L3MBTL4: variants seen among roughly 807,000 people sequenced by gnomAD.
L3MBTL4 encodes L3MBTL histone methyl-lysine binding protein 4.
L3MBTL4 carries 70 observed loss-of-function variants against 84.5 expected under a neutral mutation model. The observed-to-expected ratio is 0.83, with a 90% CI of 0.68 to 1.01. The LOEUF is 1.01. Ranked by LOEUF, L3MBTL4 falls within the 50% of genes least tolerant of loss-of-function variation. The probability of loss-of-function intolerance (pLI) is 0.00; values close to 1 mark genes in which losing one functional copy is unlikely to be tolerated. For synonymous variants in L3MBTL4, 274 were observed against 259.8 expected, an observed-to-expected ratio of 1.05 and a Z score of -0.52; for missense variants, 715 against 754.8, an observed-to-expected ratio of 0.95 and a Z score of 0.62.
At chr18:6,303,811 G>C (rs936614370) in intron 3 of L3MBTL4, among the ~76,000 whole-genome samples, 3 of 152,044 alleles carry the variant, frequency 2.0e-5, no homozygotes, top group Non-Finnish European at 2.9e-5. Context: ...TCAGGAGTTC[G>C]AGACCAGCCT....
intron 1 of L3MBTL4, among the ~76,000 whole-genome samples, chr18:6,383,434 G>A (rs1368573610): frequency 2.0e-5 from 3 of 152,156 alleles, no homozygotes; most frequent in African/African-American, 7.2e-5. Context: ...TCAGGGCCCT[G>A]GTGGGGTAGG....
At chr18:6,112,063 CA>C (rs1302273940) in intron 14 of L3MBTL4, among the ~76,000 whole-genome samples, 1 of 152,124 alleles carries the variant, frequency 6.6e-6, no homozygotes, top group African/African-American at 2.4e-5. Context: ...TGAGCTCATT[CA>C]GTATTTATCT....
intron 1 of L3MBTL4, among the ~76,000 whole-genome samples, chr18:6,404,454 A>G (rs926448071): frequency 6.6e-6 from 1 of 152,168 alleles, no homozygotes; most frequent in Non-Finnish European, 1.5e-5. Flanking sequence ...GAACAAAGAT[A>G]AAAAGCTCGA....
intron 12 of L3MBTL4, among the ~76,000 whole-genome samples, chr18:6,211,653 T>A (rs2046108954): frequency 6.6e-6 from 1 of 151,010 alleles, no homozygotes; most frequent in Admixed American, 6.6e-5. Context: ...TGAAATACTT[T>A]TTTTTTTTTT....
At chr18:6,299,743 CA>C (rs1221337132) in intron 4 of L3MBTL4, among the ~76,000 whole-genome samples, 1 of 152,186 alleles carries the variant, frequency 6.6e-6, no homozygotes, top group Non-Finnish European at 1.5e-5. Context: ...GATCTTGGCT[CA>C]CTACAGCCTC....
chr18:6,133,698 G>C (rs924751309), intron 14 of L3MBTL4, among the ~76,000 whole-genome samples: 7 of 152,190 alleles, frequency 4.6e-5, no homozygotes, highest in African/African-American at 1.7e-4. Context: ...TCAGGTGGTT[G>C]TTCGACTGTC....
At chr18:6,225,084 GA>G (rs1379003968) in intron 10 of L3MBTL4, among the ~76,000 whole-genome samples, 2 of 152,146 alleles carry the variant, frequency 1.3e-5, no homozygotes, top group Non-Finnish European at 2.9e-5. Flanking sequence ...TTTCTGTGTA[GA>G]ATGTAGAAAG....
chr18:6,030,373 A>T, intron 16 of L3MBTL4: 1 of 985,454 alleles, frequency 1.0e-6, no homozygotes, highest in African/African-American at 1.7e-5. Flanking sequence ...GTCTGGGAGA[A>T]TTAGACTGTG....
rs762907322 is a variant in L3MBTL4, at chr18:5,969,528, G to A, written c.1479C>T (p.His493=). 1.2e-6 allele frequency: 2 copies of A among 1,612,540 alleles called. No individual in the cohort carries two copies. The highest frequency in any genetic ancestry group is 1.7e-5 in the Admixed American group (1 of 59,864). ...ACACCGTGGACATGGACACTGACTG[G>A]TGAAGCACCTGCTGCGCCTGCTCCA... ...YSVEQAQQVL[H]QSVSMSTVSA... Residue 493 remains histidine (H), a synonymous_variant, in exon 17 of 19, where the codon CAC becomes CAT. Coordinates refer to ENST00000317931, the MANE Select transcript of L3MBTL4 (RefSeq NM_001330559.2).
intron 16 of L3MBTL4, among the ~76,000 whole-genome samples, chr18:6,039,915 C>G (rs1458737974): frequency 2.6e-5 from 4 of 152,130 alleles, no homozygotes; most frequent in Non-Finnish European, 5.9e-5. Flanking sequence ...ATAAAAATAA[C>G]ACAATGTTCA....
intron 1 of L3MBTL4, among the ~76,000 whole-genome samples, chr18:6,386,791 C>T (rs1037040241): frequency 2.0e-5 from 3 of 152,150 alleles, no homozygotes; most frequent in Non-Finnish European, 4.4e-5. Flanking sequence ...ACCAGAAAGG[C>T]AGGAAATGGC....
chr18:6,247,645 ATTT>A lies in L3MBTL4; in HGVS notation c.220-3060_220-3058del, dbSNP rs58646046. 8.0e-3 allele frequency among the ~76,000 whole-genome samples: 1,020 copies of A among 127,774 alleles called. 17 individuals are homozygous for A. Among genetic ancestry groups the A allele is most frequent in the African/African-American group, 0.029 (976 of 33,756 alleles). 83.8% of individuals were successfully genotyped at this position (127,774 alleles called of 152,430 possible). ...AGGTGTAAGCCACCATGCCCGGCTA[ATTT>A]TTTTTTTTTTTTTTTTGTATTTTTT... On this transcript the variant is annotated intron_variant, in intron 5 of 18. Transcript: ENST00000317931.
chr18:6,121,201 G>C (rs975622081), intron 14 of L3MBTL4, among the ~76,000 whole-genome samples: 18 of 152,314 alleles, frequency 1.2e-4, no homozygotes, highest in African/African-American at 4.1e-4. Flanking sequence ...ATTTACAGAT[G>C]CACAGCACCA....
chr18:6,177,438 G>A (rs2044272977), intron 12 of L3MBTL4, among the ~76,000 whole-genome samples: 1 of 152,184 alleles, frequency 6.6e-6, no homozygotes, highest in Non-Finnish European at 1.5e-5. Flanking sequence ...ATGGTTGTCT[G>A]GGAGAAGGAT....
chr18:5,989,073 C>T (rs533713617), intron 16 of L3MBTL4, among the ~76,000 whole-genome samples: 3 of 152,182 alleles, frequency 2.0e-5, no homozygotes, highest in Non-Finnish European at 4.4e-5. Context: ...GAGGTGGGGG[C>T]CTGTGGGGAA....
intron 16 of L3MBTL4, among the ~76,000 whole-genome samples, chr18:6,007,073 A>T (rs7237734): frequency 0.15 from 22,081 of 152,056 alleles, 2,018 homozygotes; most frequent in East Asian, 0.25. Flanking sequence ...AAATAAAAAA[A>T]TGGTAAACAA....
chr18:6,001,373 G>A (rs1187319133), intron 16 of L3MBTL4, among the ~76,000 whole-genome samples: 1 of 152,170 alleles, frequency 6.6e-6, no homozygotes, highest in Admixed American at 6.5e-5. Flanking sequence ...CACGACCAAG[G>A]AAAGCAGTGG....
In L3MBTL4 at chr18:6,004,622, T is replaced by C. The variant is rs574154624; in HGVS notation, c.1445-35060A>G. ...GAAGAAATCCTAACATGTCCACTGA[T>C]AGATGAACAGATAAATTATGTCATA... is the stretch of plus-strand genomic sequence containing the variant. On this transcript the variant is annotated intron_variant, in intron 16 of 18. Coordinates refer to ENST00000317931, the MANE Select transcript of L3MBTL4 (RefSeq NM_001330559.2). 2.0e-5 allele frequency among the ~76,000 whole-genome samples: 3 copies of C among 152,328 alleles called. No homozygotes were observed. The East Asian group carries it at 5.8e-4, about 29-fold the overall frequency.
chr18:6,121,357 G>A (rs1183450020), intron 14 of L3MBTL4, among the ~76,000 whole-genome samples: 2 of 152,070 alleles, frequency 1.3e-5, no homozygotes, highest in Non-Finnish European at 2.9e-5. Context: ...TCTTCCATCT[G>A]GCCCCACATA....
Sources: allele counts gnomAD v4.1 joint callset (sites outside exome capture counted in the v4.1 genomes callset), GRCh38; gene constraint gnomAD v4.1.1; transcripts MANE v1.5; gene names NCBI Gene and HGNC (gene_info 2026-07-23, HGNC 2026-07-21).